The following AHI1 variants were observed in gnomAD, a reference collection of about 807,000 sequenced individuals.
AHI1 encodes jouberin.
In AHI1, 123 loss-of-function variants were observed where a neutral mutation model predicts 149.3. The ratio of observed to expected loss-of-function variants is 0.82; its 90% CI spans 0.71 to 0.96. AHI1 has a LOEUF of 0.96. Among genes scored for constraint, AHI1 ranks in the 40% least tolerant of loss-of-function variants. AHI1 has a pLI of 0.00. For missense variants in AHI1, 1,439 were observed against 1,422.7 expected, an observed-to-expected ratio of 1.01 and a Z score of -0.18; for synonymous variants, 475 against 459.8, an observed-to-expected ratio of 1.03 and a Z score of -0.42.
intron 11 of AHI1, among the ~76,000 whole-genome samples, chr6:135,451,398 T>A (rs1422146530): frequency 6.6e-6 from 1 of 152,186 alleles, no homozygotes; most frequent in African/African-American, 2.4e-5. Flanking sequence ...GTGACATTAA[T>A]ATGCTGGGAG....
intron 26 of AHI1, chr6:135,302,593 G>A: frequency 8.8e-7 from 1 of 1,131,160 alleles, no homozygotes. Flanking sequence ...CTTAGCCTGT[G>A]TTCAAATTAT....
intron 26 of AHI1, chr6:135,301,222 G>C: frequency 1.0e-6 from 1 of 984,454 alleles, no homozygotes; most frequent in Non-Finnish European, 1.2e-6. Context: ...AAAACGAATT[G>C]CAATTTTTTT....
intron 4 of AHI1, among the ~76,000 whole-genome samples, chr6:135,491,842 A>G (rs1344599388): frequency 1.3e-5 from 2 of 152,260 alleles, no homozygotes; most frequent in Admixed American, 6.5e-5. Context: ...TAAAAGAGAC[A>G]GAGAGACAGA....
intron 24 of AHI1, among the ~76,000 whole-genome samples, chr6:135,330,518 A>T (rs780176524): frequency 2.0e-5 from 3 of 152,250 alleles, no homozygotes; most frequent in Non-Finnish European, 4.4e-5. Flanking sequence ...CATAGTTTTA[A>T]ACATAGTTTT....
chr6:135,438,597 A>G (rs1029567198), intron 14 of AHI1, 99 bp from the exon 15 acceptor site: 82 of 947,302 alleles, frequency 8.7e-5, no homozygotes, highest in Middle Eastern at 3.7e-4. Flanking sequence ...TAAGCAGTCT[A>G]TAACAAAATT....
intron 23 of AHI1, among the ~76,000 whole-genome samples, chr6:135,387,247 A>C (rs535528386): frequency 7.9e-5 from 12 of 152,260 alleles, no homozygotes; most frequent in African/African-American, 2.9e-4. Flanking sequence ...GAAGTATCTC[A>C]AGATTTTTTG....
At chr6:135,352,393 A>G (rs962526333) in intron 24 of AHI1, among the ~76,000 whole-genome samples, 3 of 152,018 alleles carry the variant, frequency 2.0e-5, no homozygotes, top group African/African-American at 7.2e-5. Flanking sequence ...GTGTCTTTCT[A>G]TAATCTTTGG....
intron 22 of AHI1, among the ~76,000 whole-genome samples, chr6:135,402,965 T>C (rs1471034035): frequency 1.3e-5 from 2 of 152,198 alleles, no homozygotes; most frequent in East Asian, 1.9e-4. Context: ...AATCCCTGTG[T>C]TGTTCACTGA....
rs1262204877 is a variant in AHI1, at chr6:135,300,518, C to A, written c.3467G>T (p.Gly1156Val). The A allele has an allele frequency of 2.5e-6, 4 of 1,608,302 alleles. No homozygotes were observed. The Admixed American group carries it at 5.0e-5, about 20-fold the overall frequency. The change falls in exon 27 of 29, where the codon GGC (glycine) becomes GTC (valine). Residue 1156 changes from glycine (G) to valine (V), a missense_variant. By Grantham distance (109) the Gly-to-Val change is moderately radical. Transcript: ENST00000265602. ...NKNKSQDFRL[G>V]SESMTHSEMR... ...TGCTTACTGTGTCATAGATTCTGAG[C>A]CTAGTCTGAAGTCCTGGGACTTGTT...
intron 24 of AHI1, among the ~76,000 whole-genome samples, chr6:135,339,406 T>C (rs1487788847): frequency 6.6e-6 from 1 of 152,142 alleles, no homozygotes; most frequent in Non-Finnish European, 1.5e-5. Context: ...CTATTATAAG[T>C]ATGTTCAAAG....
At position 135,466,361 on chromosome 6, in the gene AHI1, T is replaced by C; in HGVS notation, c.202A>G (p.Arg68Gly). 1.2e-6 allele frequency: 2 copies of C among 1,613,362 alleles called. No individual in the cohort carries two copies. Among genetic ancestry groups the C allele is most frequent in the Middle Eastern group, 1.7e-4 (1 of 6,060 alleles). ...ETTSDDPDTI[R>G]SNLPHIKETT... Reference sequence around the variant, plus strand: ...TCTTTAATATGGGGAAGATTGCTTCTAATAGTGTCGGGCTAGGAAAAGAAG... The same window carrying C: ...TCTTTAATATGGGGAAGATTGCTTCCAATAGTGTCGGGCTAGGAAAAGAAG... Residue 68 changes from arginine (R) to glycine (G), a missense_variant, in exon 7 of 29, where the codon AGA becomes GGA. Arg to Gly is a moderately radical substitution (Grantham distance 125). Transcript: ENST00000265602.
chr6:135,320,246 T>G (rs1786606154), intron 25 of AHI1, among the ~76,000 whole-genome samples: 1 of 152,042 alleles, frequency 6.6e-6, no homozygotes. Context: ...TTTGTTCTGG[T>G]CTATACAAGG....
intron 21 of AHI1, among the ~76,000 whole-genome samples, chr6:135,409,665 T>C (rs1455284192): frequency 2.6e-5 from 4 of 152,198 alleles, no homozygotes; most frequent in African/African-American, 7.2e-5. Context: ...AGTTCGAAGG[T>C]AGCTTAGTTC....
chr6:135,394,645 G>T, intron 23 of AHI1, 131 bp downstream of exon 23: 1 of 1,272,480 alleles, frequency 7.9e-7, no homozygotes, highest in Non-Finnish European at 1.1e-6. Flanking sequence ...CAAAAGAGAT[G>T]CTAGAATATA....
At chr6:135,352,376 A>T (rs1792255361) in intron 24 of AHI1, among the ~76,000 whole-genome samples, 1 of 152,144 alleles carries the variant, frequency 6.6e-6, no homozygotes, top group South Asian at 2.1e-4. Flanking sequence ...AACTGTGTGT[A>T]CACAGTGTGT....
At chr6:135,312,107 A>G (rs557594382) in intron 26 of AHI1, among the ~76,000 whole-genome samples, 5 of 152,234 alleles carry the variant, frequency 3.3e-5, no homozygotes, top group Non-Finnish European at 7.3e-5. Flanking sequence ...GAAAATAAAT[A>G]ATTTTAAAAA....
intron 24 of AHI1, among the ~76,000 whole-genome samples, chr6:135,332,927 G>C (rs541868645): frequency 3.9e-5 from 6 of 152,100 alleles, no homozygotes; most frequent in Non-Finnish European, 5.9e-5. Context: ...CCCCATTCTG[G>C]CAAATAAGCC....
chr6:135,372,897 T>G (rs905522312), intron 23 of AHI1, among the ~76,000 whole-genome samples: 1 of 152,182 alleles, frequency 6.6e-6, no homozygotes, highest in African/African-American at 2.4e-5. Flanking sequence ...GGGACCTGAT[T>G]TTTTTCATCT....
intron 15 of AHI1, among the ~76,000 whole-genome samples, chr6:135,438,035 C>T (rs754562601): frequency 1.8e-4 from 28 of 152,038 alleles, no homozygotes; most frequent in Non-Finnish European, 3.4e-4. Flanking sequence ...ATAGTGAAGA[C>T]AGTATCCCTG....
Sources: allele counts gnomAD v4.1 joint callset (sites outside exome capture counted in the v4.1 genomes callset), GRCh38; gene constraint gnomAD v4.1.1; transcripts MANE v1.5; gene names NCBI Gene and HGNC (gene_info 2026-07-23, HGNC 2026-07-21).